HTT: variants seen among roughly 807,000 people sequenced by gnomAD.
HTT encodes the protein huntingtin, also known as huntington disease protein.
Under a neutral mutation model 362.3 loss-of-function variants are expected in HTT, and 104 were observed. The ratio of observed to expected loss-of-function variants is 0.29; its 90% CI spans 0.24 to 0.34. The LOEUF is 0.34. HTT is among the 10% of genes least tolerant of loss of function. The pLI is 1.00. For synonymous variants in HTT, 1,577 were observed against 1,548.7 expected, an observed-to-expected ratio of 1.02 and a Z score of -0.43; for missense variants, 3,301 against 3,928.6, an observed-to-expected ratio of 0.84 and a Z score of 4.27.
chr4:3,157,508 C>A (rs1053218246), intron 28 of HTT, among the ~76,000 whole-genome samples: 3 of 152,164 alleles, frequency 2.0e-5, no homozygotes, highest in African/African-American at 7.2e-5. Context: ...AGGCTTCCTT[C>A]CCTCCCGTGA....
At chr4:3,147,653 T>G (rs1369423127) in intron 25 of HTT, among the ~76,000 whole-genome samples, 1 of 152,188 alleles carries the variant, frequency 6.6e-6, no homozygotes, top group African/African-American at 2.4e-5. Context: ...ATGTTGATGC[T>G]AAGGCAAGAT....
At chr4:3,229,497 C>T (rs1721124934) in intron 59 of HTT, among the ~76,000 whole-genome samples, 1 of 149,768 alleles carries the variant, frequency 6.7e-6, no homozygotes, top group Non-Finnish European at 1.5e-5. Flanking sequence ...TACACACACG[C>T]CACGTGCACA....
chr4:3,122,856 G>A, intron 9 of HTT, 33 bp from the exon 10 acceptor site: 1 of 1,559,628 alleles, frequency 6.4e-7, no homozygotes, highest in Non-Finnish European at 8.7e-7. Flanking sequence ...TTATCAGCTT[G>A]TTACTTTATC....
chr4:3,195,309 A>G (rs1719195536), intron 40 of HTT, among the ~76,000 whole-genome samples: 1 of 151,808 alleles, frequency 6.6e-6, no homozygotes, highest in Non-Finnish European at 1.5e-5. Flanking sequence ...TCCTGCTTCC[A>G]TTGTTCCTTT....
intron 36 of HTT, among the ~76,000 whole-genome samples, chr4:3,180,946 G>C (rs1224302230): frequency 6.6e-6 from 1 of 151,126 alleles, no homozygotes; most frequent in Non-Finnish European, 1.5e-5. Context: ...GCACGATCTT[G>C]GCTCATTGCA....
At chr4:3,161,263 A>G (rs1220678482) in intron 29 of HTT, among the ~76,000 whole-genome samples, 1 of 152,088 alleles carries the variant, frequency 6.6e-6, no homozygotes, top group Non-Finnish European at 1.5e-5. Flanking sequence ...ATCCTTTTTT[A>G]TGGCTGTATA....
chr4:3,210,904 C>CTT (rs780304223), intron 47 of HTT, among the ~76,000 whole-genome samples: 1 of 122,730 alleles, frequency 8.1e-6, no homozygotes, highest in African/African-American at 3.2e-5. Flanking sequence ...AATTGTTTAT[C>CTT]TTTTTTTTTT....
At chr4:3,078,774 G>T (rs776925023) in intron 1 of HTT, among the ~76,000 whole-genome samples, 1 of 149,400 alleles carries the variant, frequency 6.7e-6, no homozygotes, top group African/African-American at 2.5e-5. Flanking sequence ...TTGCTCTGTC[G>T]CCCAGGCTGG....
At position 3,182,381 on chromosome 4, in the gene HTT, C is replaced by A. The variant is rs778957160; in HGVS notation, c.4777C>A (p.Gln1593Lys). The change falls in exon 37 of 67, where the codon CAG becomes AAG. Residue 1593 changes from glutamine (Q) to lysine (K), a missense_variant. Physicochemically the swap from Gln to Lys is moderately conservative, Grantham distance 53. Transcript: ENST00000355072. ...QVLEMFILVL[Q>K]QCHKENEDKW... Reference sequence around the variant, plus strand: ...GTTGGAGATGTTCATTCTTGTCCTGCAGCAGTGCCACAAGGAGAATGAAGA... The same window carrying A: ...GTTGGAGATGTTCATTCTTGTCCTGAAGCAGTGCCACAAGGAGAATGAAGA... The A allele has an allele frequency of 6.2e-7, 1 of 1,613,408 alleles. No homozygotes were observed. Among genetic ancestry groups the A allele is most frequent in the Non-Finnish European group, 8.5e-7 (1 of 1,179,330 alleles).
intron 64 of HTT, among the ~76,000 whole-genome samples, chr4:3,237,395 A>G (rs1320487063): frequency 6.6e-6 from 1 of 152,018 alleles, no homozygotes; most frequent in African/African-American, 2.4e-5. Context: ...TTTTAAATGC[A>G]CCTCTGCATC....
intron 21 of HTT, among the ~76,000 whole-genome samples, chr4:3,137,427 A>G (rs1716120725): frequency 6.6e-6 from 1 of 151,844 alleles, no homozygotes; most frequent in Non-Finnish European, 1.5e-5. Context: ...TGTTTTCGCC[A>G]GGCGCTCATG....
At position 3,223,712 on chromosome 4, in the gene HTT, C is replaced by T. The variant is rs1027815793; in HGVS notation, c.7625+152C>T. 4 of 789,994 alleles carry T rather than the reference C, an allele frequency of 5.1e-6. No homozygotes were observed. The African/African-American group carries it at 7.0e-5, about 14-fold the overall frequency. The allele number at this position is 789,994 out of a possible 1,614,324, so 48.9% of individuals were successfully genotyped here. ...GTGTGGCCTGTGCAGGAGATGCAGA[C>T]CCAAAGGTGGCCTCCTGGTCAGTGA... On this transcript the variant is annotated intron_variant, in intron 55 of 66. Coordinates refer to ENST00000355072, the MANE Select transcript of HTT (RefSeq NM_001388492.1).
intron 65 of HTT, 88 bp from the exon 66 acceptor site, chr4:3,238,730 G>GGGCCCCCCCCCCCCCCCCCCCCCCCC: frequency 2.7e-6 from 3 of 1,097,002 alleles, no homozygotes; most frequent in South Asian, 1.4e-5. Flanking sequence ...AATGCCTCTG[G>GGGCCCCCCCCCCCCCCCCCCCCCCCC]CCCCCACCCC....
At chr4:3,158,173 A>G (rs1477119307) in intron 28 of HTT, among the ~76,000 whole-genome samples, 1 of 152,050 alleles carries the variant, frequency 6.6e-6, no homozygotes, top group Non-Finnish European at 1.5e-5. Context: ...TTGTAGAGAC[A>G]GGGTCTCCCT....
chr4:3,230,797 C>T (rs1721213532), intron 60 of HTT, among the ~76,000 whole-genome samples: 1 of 152,148 alleles, frequency 6.6e-6, no homozygotes, highest in African/African-American at 2.4e-5. Flanking sequence ...TCCACAAGGG[C>T]TCTCCCATCA....
intron 21 of HTT, among the ~76,000 whole-genome samples, chr4:3,137,033 G>A (rs896410389): frequency 6.6e-6 from 1 of 151,226 alleles, no homozygotes; most frequent in Admixed American, 6.6e-5. Flanking sequence ...TCAGCCTCCC[G>A]AGTAGCTGGG....
Position 3,173,081 on chromosome 4 carries a change from C to T in HTT, c.4116C>T (p.Asp1372=), listed in dbSNP as rs760187406. 3.7e-6 allele frequency: 6 copies of T among 1,614,144 alleles called. No individual in the cohort carries two copies. Among genetic ancestry groups the T allele is most frequent in the African/African-American group, 2.7e-5 (2 of 75,048 alleles). Residue 1372 remains aspartate (D), a synonymous_variant, in exon 31 of 67, where the codon GAC becomes GAT. Transcript: ENST00000355072. The part of the protein sequence containing the change: ...PYTHFTQALA[D]ASLRNMVQAE... Reference sequence around the variant, plus strand: ...CCCACTTCACCCAGGCCCTCGCTGACGCCAGCCTGAGGAACATGGTGCAGG... The same window carrying T: ...CCCACTTCACCCAGGCCCTCGCTGATGCCAGCCTGAGGAACATGGTGCAGG...
At position 3,215,218 on chromosome 4, in the gene HTT, C is replaced by T; in HGVS notation, c.7054+7C>T. ...GTAGATCCAAACACACAGAGTAAGT[C>T]TCAGGACCCATTTTTTTCTTACATG... On this transcript the variant is annotated splice_region_variant and intron_variant, in intron 51 of 66. Transcript: ENST00000355072. 2 of 1,602,896 alleles carry T rather than the reference C, an allele frequency of 1.2e-6. No individual in the cohort carries two copies. The highest frequency in any genetic ancestry group is 1.3e-5 in the African/African-American group (1 of 74,800).
At chr4:3,166,562 C>T (rs1717717210) in intron 29 of HTT, among the ~76,000 whole-genome samples, 1 of 152,238 alleles carries the variant, frequency 6.6e-6, no homozygotes, top group Non-Finnish European at 1.5e-5. Flanking sequence ...TGCTGAGCTG[C>T]AGTGGGCTCT....
Sources: gnomAD v4.1 joint callset for allele counts (sites outside exome capture counted in the v4.1 genomes callset) on GRCh38, gnomAD v4.1.1 for gene constraint, MANE v1.5 for transcripts, NCBI Gene and HGNC (gene_info 2026-07-23, HGNC 2026-07-21) for gene names.